The following CWC27 variants were observed in gnomAD, a reference collection of about 807,000 sequenced individuals.
The protein encoded by CWC27 is CWC27 spliceosome associated cyclophilin.
Under a neutral mutation model 63.6 loss-of-function variants are expected in CWC27, and 47 were observed. The observed-to-expected ratio is 0.74, with a 90% CI of 0.58 to 0.94. CWC27 has a LOEUF of 0.94. Ranked by LOEUF, CWC27 falls within the 40% of genes least tolerant of loss-of-function variation. The pLI, the probability that CWC27 is intolerant of heterozygous loss-of-function variation, is 0.00. For missense variants in CWC27, 495 were observed against 554.3 expected (o/e 0.89, Z 1.07); for synonymous variants, 175 against 179.8 (o/e 0.97, Z 0.22).
At chr5:64,985,463 A>G (rs1272650188) in intron 13 of CWC27, among the ~76,000 whole-genome samples, 1 of 152,168 alleles carries the variant, frequency 6.6e-6, no homozygotes, top group Non-Finnish European at 1.5e-5. Context: ...AGCATTTTAT[A>G]GTTGTTAGCA....
chr5:64,801,225 C>A, intron 8 of CWC27, 77 bp from the exon 9 acceptor site: 1 of 1,252,936 alleles, frequency 8.0e-7, no homozygotes, highest in South Asian at 1.4e-5. Flanking sequence ...GCAAACTATT[C>A]TAGATTTTTG....
intron 11 of CWC27, among the ~76,000 whole-genome samples, chr5:64,936,692 A>G (rs1424104518): frequency 6.6e-6 from 1 of 152,138 alleles, no homozygotes; most frequent in Non-Finnish European, 1.5e-5. Context: ...TCGTCTTTGT[A>G]GCTCTGGTAG....
chr5:64,989,615 G>A (rs988480950), intron 13 of CWC27, among the ~76,000 whole-genome samples: 2 of 152,172 alleles, frequency 1.3e-5, no homozygotes, highest in Admixed American at 1.3e-4. Context: ...AAGAAGAAAG[G>A]GAGGGATTGG....
chr5:65,018,406 G>A lies in CWC27; in HGVS notation c.*85G>A. On this transcript the variant is annotated 3_prime_UTR_variant, in exon 14 of 14. Transcript: ENST00000381070. ...CCATTGTTCCCAACAGCATCACTTA[G>A]GGGTGTGAAAAGAAGTATTTTTGAA... The A allele has an allele frequency of 8.5e-7, 1 of 1,175,692 alleles. No individual in the cohort carries two copies. The highest frequency in any genetic ancestry group is 1.2e-6 in the Non-Finnish European group (1 of 856,582). The allele number at this position is 1,175,692 out of a possible 1,614,324, so 72.8% of individuals were successfully genotyped here.
At chr5:64,796,753 CT>C (rs1744281928) in intron 7 of CWC27, among the ~76,000 whole-genome samples, 8 of 97,670 alleles carry the variant, frequency 8.2e-5, no homozygotes, top group South Asian at 8.5e-4. Flanking sequence ...TCCTCCCTCC[CT>C]CCCTCCCTCC....
chr5:64,935,137 G>A (rs994199643), intron 11 of CWC27, among the ~76,000 whole-genome samples: 14 of 152,118 alleles, frequency 9.2e-5, no homozygotes, highest in Non-Finnish European at 1.8e-4. Context: ...TTTGGCTTTC[G>A]TTGCCATTGC....
chr5:64,904,495 C>T (rs1747576790), intron 11 of CWC27, among the ~76,000 whole-genome samples: 2 of 152,196 alleles, frequency 1.3e-5, no homozygotes, highest in Non-Finnish European at 2.9e-5. Flanking sequence ...ACCATATGCA[C>T]CTCTCCATAG....
chr5:64,947,520 T>A (rs1031665434), intron 11 of CWC27, among the ~76,000 whole-genome samples: 3 of 152,146 alleles, frequency 2.0e-5, no homozygotes, highest in African/African-American at 7.2e-5. Flanking sequence ...AAGATCTTTA[T>A]GTAAACATCA....
intron 10 of CWC27, 96 bp downstream of exon 10, chr5:64,804,482 C>G (rs568361888): frequency 8.2e-7 from 1 of 1,222,752 alleles, no homozygotes; most frequent in East Asian, 2.6e-5. Context: ...TTTTAAAATA[C>G]TATTTTCATA....
At chr5:64,903,910 T>C (rs1747565536) in intron 11 of CWC27, among the ~76,000 whole-genome samples, 1 of 152,186 alleles carries the variant, frequency 6.6e-6, no homozygotes, top group Non-Finnish European at 1.5e-5. Context: ...CAGCACTTAG[T>C]TCCTTTATCA....
Position 64,983,469 on chromosome 5 carries a change from C to T in CWC27, c.1256+6231C>T, listed in dbSNP as rs147134457. 1.5e-3 allele frequency among the ~76,000 whole-genome samples: 222 copies of T among 152,296 alleles called. 1 individual carries two copies. The highest frequency in any genetic ancestry group is 5.2e-3 in the African/African-American group (216 of 41,552). On this transcript the variant is annotated intron_variant, in intron 13 of 13. Coordinates refer to ENST00000381070, the MANE Select transcript of CWC27 (RefSeq NM_005869.4). The stretch of plus-strand genomic sequence containing the variant: ...TTTGACCTTGCAGACACACAGGGGT[C>T]CCCGAGTCACACTTTGAGAACCGCT...
chr5:64,858,297 A>G (rs1746309955), intron 10 of CWC27, among the ~76,000 whole-genome samples: 1 of 149,342 alleles, frequency 6.7e-6, no homozygotes, highest in East Asian at 2.0e-4. Flanking sequence ...GTCTCTACTA[A>G]AAATACAAAA....
At chr5:64,808,995 T>C (rs538244631) in intron 10 of CWC27, among the ~76,000 whole-genome samples, 11 of 152,306 alleles carry the variant, frequency 7.2e-5, no homozygotes. Context: ...AGTATACAGC[T>C]AGCTGAATTT....
At chr5:64,915,550 C>A (rs1747873673) in intron 11 of CWC27, among the ~76,000 whole-genome samples, 2 of 152,108 alleles carry the variant, frequency 1.3e-5, no homozygotes, top group Non-Finnish European at 2.9e-5. Context: ...ATTAAACACA[C>A]ACAGACAGGC....
intron 10 of CWC27, among the ~76,000 whole-genome samples, chr5:64,809,738 T>G: frequency 6.6e-6 from 1 of 152,314 alleles, no homozygotes; most frequent in African/African-American, 2.4e-5. Context: ...ATTTTTTAGT[T>G]GGGTTATTTG....
chr5:64,831,509 G>GATAA (rs1334370988), intron 10 of CWC27, among the ~76,000 whole-genome samples: 2 of 151,702 alleles, frequency 1.3e-5, no homozygotes, highest in Non-Finnish European at 2.9e-5. Flanking sequence ...TAGATAGATA[G>GATAA]ATAGACAGAC....
chr5:64,974,931 T>G (rs1245474213), intron 12 of CWC27, among the ~76,000 whole-genome samples: 1 of 152,232 alleles, frequency 6.6e-6, no homozygotes, highest in African/African-American at 2.4e-5. Flanking sequence ...CAAGGGATAC[T>G]TTATCTGTTA....
intron 10 of CWC27, 121 bp from the exon 11 acceptor site, chr5:64,885,322 T>C: frequency 1.6e-6 from 1 of 620,016 alleles, no homozygotes. Context: ...AGAAACAAAA[T>C]GAATGAATTA....
intron 11 of CWC27, among the ~76,000 whole-genome samples, chr5:64,904,697 A>C (rs981736487): frequency 6.6e-6 from 1 of 152,222 alleles, no homozygotes; most frequent in Non-Finnish European, 1.5e-5. Context: ...GAATCCCTTC[A>C]AAGAAACTGT....
Sources: allele counts gnomAD v4.1 joint callset (sites outside exome capture counted in the v4.1 genomes callset), GRCh38; gene constraint gnomAD v4.1.1; transcripts MANE v1.5; gene names NCBI Gene and HGNC (gene_info 2026-07-23, HGNC 2026-07-21).